Variants in ADAMTSL1 observed in about 807,000 individuals in gnomAD.
ADAMTSL1 encodes the protein ADAMTS-like protein 1.
A neutral mutation model predicts 201.8 loss-of-function variants in ADAMTSL1; 126 were observed. The observed-to-expected ratio is 0.62, with a 90% CI of 0.54 to 0.72. The LOEUF is 0.72. ADAMTSL1 is among the 30% of genes least tolerant of loss of function. The probability of loss-of-function intolerance (pLI) is 0.00; values close to 1 mark genes in which losing one functional copy is unlikely to be tolerated. For synonymous variants in ADAMTSL1, 1,121 were observed against 903.4 expected, an observed-to-expected ratio of 1.24 and a Z score of -4.32; for missense variants, 2,679 against 2,277.8, an observed-to-expected ratio of 1.18 and a Z score of -3.59.
chr9:18,292,347 T>G (rs777327680), intron 2 of ADAMTSL1, among the ~76,000 whole-genome samples: 1 of 152,072 alleles, frequency 6.6e-6, no homozygotes, highest in Non-Finnish European at 1.5e-5. Context: ...GATAGCAGTA[T>G]GATGAAATGG....
Position 18,622,387 on chromosome 9 carries a change from G to A in ADAMTSL1, c.601+18G>A. ...AACCAAATGTAAGACACACAGAGAT[G>A]GGCGACCTTTGGACTTGTTGACTTA... is the stretch of plus-strand genomic sequence containing the variant. On this transcript the variant is annotated intron_variant, in intron 5 of 28. Coordinates refer to ENST00000380548, the MANE Select transcript of ADAMTSL1 (RefSeq NM_001040272.6). 6.2e-7 allele frequency: 1 copy of A among 1,613,932 alleles called. No individual in the cohort carries two copies.
chr9:18,244,377 T>C (rs1383835235), intron 2 of ADAMTSL1, among the ~76,000 whole-genome samples: 1 of 151,960 alleles, frequency 6.6e-6, no homozygotes, highest in Non-Finnish European at 1.5e-5. Context: ...CTCAAAATTG[T>C]CTACTACATT....
chr9:18,597,081 A>G (rs1587671780), intron 4 of ADAMTSL1, among the ~76,000 whole-genome samples: 1 of 152,198 alleles, frequency 6.6e-6, no homozygotes, highest in Non-Finnish European at 1.5e-5. Context: ...TCTTTATATT[A>G]TGTTGCTCAA....
chr9:18,847,294 G>T (rs1460692144), intron 23 of ADAMTSL1, among the ~76,000 whole-genome samples: 1 of 152,276 alleles, frequency 6.6e-6, no homozygotes, highest in East Asian at 1.9e-4. Flanking sequence ...CTCAAGCTCA[G>T]CCTCAAAGGA....
chr9:18,105,122 A>G (rs991056061), intron 1 of ADAMTSL1, among the ~76,000 whole-genome samples: 2 of 152,180 alleles, frequency 1.3e-5, no homozygotes, highest in African/African-American at 2.4e-5. Context: ...TCTACCCCTA[A>G]TGAGATGTGT....
At chr9:18,847,893 A>G (rs900929691) in intron 23 of ADAMTSL1, among the ~76,000 whole-genome samples, 2 of 152,208 alleles carry the variant, frequency 1.3e-5, no homozygotes, top group Non-Finnish European at 2.9e-5. Context: ...AAAAATCTAT[A>G]AATGCTCACA....
At position 18,636,044 on chromosome 9, in the gene ADAMTSL1, G is replaced by A. The variant is rs190079222; in HGVS notation, c.676+27G>A. 2,768 of 1,514,898 alleles carry A rather than the reference G, an allele frequency of 1.8e-3. 11 individuals carry two copies. The highest frequency in any genetic ancestry group is 3.3e-3 in the Admixed American group (141 of 42,916). 93.8% of individuals were successfully genotyped at this position (1,514,898 alleles called of 1,614,324 possible). On this transcript the variant is annotated intron_variant, in intron 6 of 28. Coordinates refer to ENST00000380548, the MANE Select transcript of ADAMTSL1 (RefSeq NM_001040272.6). The stretch of plus-strand genomic sequence containing the variant: ...TAAGTAACTCCATTGTTTTCCTTTG[G>A]GAATTGGGAATTGTAGTCATTATTA...
rs575446669 is a variant in ADAMTSL1, at chr9:18,191,223, A to G, written c.207+27242A>G. On this transcript the variant is annotated intron_variant, in intron 2 of 29. Transcript: ENST00000680146. The stretch of plus-strand genomic sequence containing the variant: ...CCCGGGGATAGGGGTCAGGGAAAGA[A>G]GAAACTGGCTGCTTGACCTTCCCCT... 1.5e-4 allele frequency among the ~76,000 whole-genome samples: 23 copies of G among 152,242 alleles called. 1 individual carries two copies. The South Asian group carries it at 3.7e-3, about 25-fold the overall frequency.
At chr9:18,606,386 T>C (rs1030986749) in intron 4 of ADAMTSL1, among the ~76,000 whole-genome samples, 2 of 152,194 alleles carry the variant, frequency 1.3e-5, no homozygotes, top group African/African-American at 4.8e-5. Context: ...AGAAATAAAC[T>C]TAGGAAATAT....
At chr9:18,791,586 T>A (rs1822060082) in intron 19 of ADAMTSL1, among the ~76,000 whole-genome samples, 1 of 152,110 alleles carries the variant, frequency 6.6e-6, no homozygotes, top group Admixed American at 6.6e-5. Flanking sequence ...TGCCCCCAAA[T>A]AACTATGTAC....
intron 9 of ADAMTSL1, among the ~76,000 whole-genome samples, chr9:18,667,260 G>C (rs1452004174): frequency 1.5e-5 from 2 of 134,264 alleles, no homozygotes; most frequent in Non-Finnish European, 3.2e-5. Context: ...ACAGTAAATT[G>C]CATAAATTGT....
intron 1 of ADAMTSL1, among the ~76,000 whole-genome samples, chr9:18,027,365 A>C (rs1033259003): frequency 6.6e-6 from 1 of 151,490 alleles, no homozygotes; most frequent in Non-Finnish European, 1.5e-5. Flanking sequence ...ATAAACTTTC[A>C]TCTTAATGCT....
At chr9:18,671,093 A>G (rs1055149295) in intron 9 of ADAMTSL1, among the ~76,000 whole-genome samples, 1 of 152,206 alleles carries the variant, frequency 6.6e-6, no homozygotes, top group Admixed American at 6.5e-5. Flanking sequence ...TTCATTACAG[A>G]CGCAACTATC....
At chr9:18,838,378 C>A (rs1003185377) in intron 23 of ADAMTSL1, among the ~76,000 whole-genome samples, 2 of 136,494 alleles carry the variant, frequency 1.5e-5, no homozygotes, top group African/African-American at 2.6e-5. Context: ...CACACACACA[C>A]ACACACACAC....
At chr9:18,872,519 A>G (rs1299575511) in intron 23 of ADAMTSL1, among the ~76,000 whole-genome samples, 1 of 152,142 alleles carries the variant, frequency 6.6e-6, no homozygotes, top group South Asian at 2.1e-4. Context: ...CCCAGAGTCC[A>G]TTGTATCATT....
intron 3 of ADAMTSL1, among the ~76,000 whole-genome samples, chr9:18,561,841 G>A (rs1217732022): frequency 1.3e-5 from 2 of 152,002 alleles, no homozygotes; most frequent in East Asian, 1.9e-4. Flanking sequence ...GACTAGGATT[G>A]TACCCCTGCT....
chr9:18,256,939 G>A (rs1454261634), intron 2 of ADAMTSL1, among the ~76,000 whole-genome samples: 2 of 152,078 alleles, frequency 1.3e-5, no homozygotes, highest in Admixed American at 1.3e-4. Context: ...TACTTTATCT[G>A]CCAGAGAAGT....
chr9:18,009,631 G>C (rs1445256416), intron 1 of ADAMTSL1, among the ~76,000 whole-genome samples: 1 of 151,970 alleles, frequency 6.6e-6, no homozygotes, highest in Non-Finnish European at 1.5e-5. Context: ...GAGATGTGTT[G>C]GTTTGTTTTC....
At chr9:18,210,884 C>G (rs1251767027) in intron 2 of ADAMTSL1, among the ~76,000 whole-genome samples, 1 of 151,468 alleles carries the variant, frequency 6.6e-6, no homozygotes, top group Non-Finnish European at 1.5e-5. Flanking sequence ...AATTTGTCAC[C>G]ATAGAGTTTA....
Sources: allele counts gnomAD v4.1 joint callset (sites outside exome capture counted in the v4.1 genomes callset), GRCh38; gene constraint gnomAD v4.1.1; transcripts MANE v1.5; gene names NCBI Gene and HGNC (gene_info 2026-07-23, HGNC 2026-07-21).